Variants in DHX37 observed in about 807,000 individuals in gnomAD.
DHX37 encodes the protein DEAH-box helicase 37.
In DHX37, 52 loss-of-function variants were observed where a neutral mutation model predicts 134.3. The observed-to-expected ratio is 0.39, with a 90% CI of 0.31 to 0.49. The LOEUF is 0.49. Among genes scored for constraint, DHX37 ranks in the 20% least tolerant of loss-of-function variants. The pLI, the probability that DHX37 is intolerant of heterozygous loss-of-function variation, is 0.93. For synonymous variants in DHX37, 634 were observed against 670.7 expected (o/e 0.95, Z 0.85); for missense variants, 1,344 against 1,580.8 (o/e 0.85, Z 2.54).
chr12:124,987,654 A>T (rs1954901066), intron 1 of DHX37, among the ~76,000 whole-genome samples: 2 of 152,192 alleles, frequency 1.3e-5, no homozygotes, highest in African/African-American at 4.8e-5. Flanking sequence ...ATATTTTCCC[A>T]AATTACCATC....
At chr12:124,953,746 T>G in intron 20 of DHX37, 134 bp downstream of exon 20, 12 of 1,377,980 alleles carry the variant, frequency 8.7e-6, no homozygotes, top group Admixed American at 2.6e-5. Context: ...CAAGTATTGA[T>G]TTAGGGTTAT....
chr12:124,968,512 C>G lies in DHX37; in HGVS notation c.1408+22G>C, dbSNP rs779610544. On this transcript the variant is annotated intron_variant, in intron 10 of 26. Coordinates refer to ENST00000308736, the MANE Select transcript of DHX37 (RefSeq NM_032656.4). Reference sequence around the variant, plus strand: ...GGTTTAGGAAGGGAGGCTTCTTTCCCCTGACCTGGCCAGGGCCTCACCTGC... The same window carrying G: ...GGTTTAGGAAGGGAGGCTTCTTTCCGCTGACCTGGCCAGGGCCTCACCTGC... 43 of 1,610,344 alleles carry G rather than the reference C, an allele frequency of 2.7e-5. No homozygotes were observed. The Middle Eastern group carries it at 8.2e-4, about 31-fold the overall frequency.
At position 124,949,215 on chromosome 12, in the gene DHX37, A is replaced by G. The variant is rs1194380356; in HGVS notation, c.3290+771T>C. Among the ~76,000 whole-genome samples, 1 of 152,144 alleles carries G rather than the reference A, an allele frequency of 6.6e-6. No homozygotes were observed. Among genetic ancestry groups the G allele is most frequent in the Non-Finnish European group, 1.5e-5 (1 of 68,028 alleles). ...GGGCCACACTGGAAAACGTGAGCTG[A>G]GTGACTGACACGGCTCCTGACAGCC... On this transcript the variant is annotated intron_variant, in intron 25 of 26. Coordinates refer to ENST00000308736, the MANE Select transcript of DHX37 (RefSeq NM_032656.4). This position sits in a 1 kb window ranked among gnomAD's most constrained non-coding sequence, Gnocchi z 4.0.
At chr12:124,975,114 C>T (rs1483784749) in intron 6 of DHX37, among the ~76,000 whole-genome samples, 1 of 152,182 alleles carries the variant, frequency 6.6e-6, no homozygotes, top group East Asian at 1.9e-4. Flanking sequence ...TTAGATTAAC[C>T]CGGCAATGCT....
intron 15 of DHX37, among the ~76,000 whole-genome samples, chr12:124,962,377 C>T (rs1210840269): frequency 1.7e-4 from 26 of 152,028 alleles, no homozygotes; most frequent in Admixed American, 6.6e-5. Flanking sequence ...AAGAATTGGC[C>T]GGGCGCCGTG....
At chr12:124,979,766 C>T (rs748313059) in intron 4 of DHX37, among the ~76,000 whole-genome samples, 2 of 152,202 alleles carry the variant, frequency 1.3e-5, no homozygotes, top group Non-Finnish European at 2.9e-5. Context: ...GAACCCCACA[C>T]CCTCCTTGCC....
chr12:124,965,332 G>A (rs1468845763), intron 13 of DHX37, among the ~76,000 whole-genome samples: 8 of 152,226 alleles, frequency 5.3e-5, no homozygotes, highest in Admixed American at 3.9e-4. Flanking sequence ...GGCTGAGCCC[G>A]TACTGGGGTA....
In DHX37 at chr12:124,971,283, C is replaced by A; in HGVS notation, c.1191+19G>T. ...GGGCCTAGGGCTCGGGGCTCCCCAG[C>A]ACCCGCCTCCTGCGCTACCTTAGCC... is the stretch of plus-strand genomic sequence containing the variant. On this transcript the variant is annotated intron_variant, in intron 8 of 26. Coordinates refer to ENST00000308736, the MANE Select transcript of DHX37 (RefSeq NM_032656.4). 2 of 1,608,720 alleles carry A rather than the reference C, an allele frequency of 1.2e-6. No individual in the cohort carries two copies. The highest frequency in any genetic ancestry group is 8.5e-7 in the Non-Finnish European group (1 of 1,178,624).
chr12:124,963,847 T>C (rs1566335013), intron 15 of DHX37, among the ~76,000 whole-genome samples: 1 of 128,108 alleles, frequency 7.8e-6, no homozygotes, highest in Non-Finnish European at 1.6e-5. Context: ...GCCACGGCAC[T>C]CCAGCCTGGG....
At chr12:124,966,358 C>G (rs149922608) in intron 12 of DHX37, among the ~76,000 whole-genome samples, 1 of 151,970 alleles carries the variant, frequency 6.6e-6, no homozygotes, top group East Asian at 1.9e-4. Context: ...GTAGCCACCA[C>G]GCCTGGCCTT....
Position 124,950,402 on chromosome 12 carries a change from C to A in DHX37, c.3121+11G>T. 1 of 1,598,374 alleles carries A rather than the reference C, an allele frequency of 6.3e-7. No homozygotes were observed. The highest frequency in any genetic ancestry group is 8.5e-7 in the Non-Finnish European group (1 of 1,172,530). ...GAGGCTCAGGTTGCCCAGGACACTGCCCCAACTCACAGAACACGCTGGCCC... is the reference window on the plus strand; with the variant it reads ...GAGGCTCAGGTTGCCCAGGACACTGACCCAACTCACAGAACACGCTGGCCC... On this transcript the variant is annotated intron_variant, in intron 23 of 26. Transcript: ENST00000308736.
rs1953912148 is a variant in DHX37, at chr12:124,948,288, G to C, written c.3291-107C>G. On this transcript the variant is annotated intron_variant, in intron 25 of 26. Coordinates refer to ENST00000308736, the MANE Select transcript of DHX37 (RefSeq NM_032656.4). The stretch of plus-strand genomic sequence containing the variant: ...ATCACCACCCCACCAGCCCCACCCA[G>C]GAGGGTGAAGAGCTGGCTGGGCATG... 4.1e-6 allele frequency: 6 copies of C among 1,476,750 alleles called. No individual in the cohort carries two copies. In the Admixed American group the frequency reaches 6.9e-5, roughly 17 times the overall value. The allele number at this position is 1,476,750 out of a possible 1,614,324, so 91.5% of individuals were successfully genotyped here.
intron 2 of DHX37, 21 bp from the exon 3 acceptor site, chr12:124,982,644 A>G (rs2135969921): frequency 1.2e-6 from 2 of 1,610,276 alleles, no homozygotes; most frequent in Non-Finnish European, 1.7e-6. Flanking sequence ...AAACGAGTGT[A>G]TTATGCATTT....
intron 15 of DHX37, among the ~76,000 whole-genome samples, chr12:124,961,152 GCACA>G (rs1484528442): frequency 6.7e-6 from 1 of 150,122 alleles, no homozygotes; most frequent in East Asian, 2.0e-4. Flanking sequence ...GTGCACGCAC[GCACA>G]CACACTTACA....
chr12:124,976,024 A>G (rs1488374973), intron 5 of DHX37, among the ~76,000 whole-genome samples: 1 of 152,288 alleles, frequency 6.6e-6, no homozygotes, highest in Non-Finnish European at 1.5e-5. Context: ...TTTATGCCGG[A>G]CACCTGCTTT....
At position 124,948,072 on chromosome 12, in the gene DHX37, G is replaced by A. The variant is rs10846782; in HGVS notation, c.3388+12C>T. ...CTGTCTACTCCCACCCCCTGGCCCTGGTCAAACTCACATTTGGGGTTTTTC... is the reference window on the plus strand; with the variant it reads ...CTGTCTACTCCCACCCCCTGGCCCTAGTCAAACTCACATTTGGGGTTTTTC... On this transcript the variant is annotated intron_variant, in intron 26 of 26. Transcript: ENST00000308736. 0.04 allele frequency: 64,860 copies of A among 1,614,202 alleles called. 1,689 individuals are homozygous for A. Among genetic ancestry groups the A allele is most frequent in the African/African-American group, 0.1 (7,663 of 75,060 alleles).
intron 16 of DHX37, 67 bp from the exon 17 acceptor site, chr12:124,957,202 G>T: frequency 1.5e-6 from 2 of 1,374,014 alleles, no homozygotes; most frequent in Non-Finnish European, 9.6e-7. Context: ...CTCCTGCTCC[G>T]TCTGTGGCAG....
At position 124,980,125 on chromosome 12, in the gene DHX37, T is replaced by C. The variant is rs1954726341; in HGVS notation, c.738+365A>G. On this transcript the variant is annotated intron_variant, in intron 4 of 26. Transcript: ENST00000308736. This position sits in a 1 kb window ranked among gnomAD's most constrained non-coding sequence, Gnocchi z 5.3. ...TTTTACAGATGCGCGGGAAGTGAGC[T>C]GGAGAGCAGGGGAATCAGCACTTGA... is the stretch of plus-strand genomic sequence containing the variant. 6.6e-6 allele frequency among the ~76,000 whole-genome samples: 1 copy of C among 152,232 alleles called. No homozygotes were observed.
chr12:124,973,625 GC>G (rs1174912610), intron 6 of DHX37, among the ~76,000 whole-genome samples: 4 of 108,380 alleles, frequency 3.7e-5, no homozygotes, highest in East Asian at 2.9e-4. Flanking sequence ...ATGTATATGC[GC>G]CCCCCCCAAC....
Sources: allele counts gnomAD v4.1 joint callset (sites outside exome capture counted in the v4.1 genomes callset), GRCh38; gene constraint gnomAD v4.1.1; non-coding constraint Gnocchi (gnomAD v3.1); transcripts MANE v1.5; gene names NCBI Gene and HGNC (gene_info 2026-07-23, HGNC 2026-07-21).